Variants in EBF4 observed in about 807,000 individuals in gnomAD.
The protein encoded by EBF4 is transcription factor COE4.
In EBF4, 34 loss-of-function variants were observed where a neutral mutation model predicts 67.1. The observed-to-expected ratio is 0.51, with a 90% CI of 0.39 to 0.67. EBF4 has a LOEUF of 0.67. Among genes scored for constraint, EBF4 ranks in the 30% least tolerant of loss-of-function variants. EBF4 has a pLI of 0.00. For missense variants in EBF4, 837 were observed against 873.3 expected (o/e 0.96, Z 0.52); for synonymous variants, 387 against 377.7 (o/e 1.02, Z -0.29).
At chr20:2,729,663 CGGGTAGCATA>C (rs2087788876) in intron 6 of EBF4, among the ~76,000 whole-genome samples, 1 of 152,078 alleles carries the variant, frequency 6.6e-6, no homozygotes, top group Admixed American at 6.5e-5. Flanking sequence ...AGTCTATGAC[CGGGTAGCATA>C]GGTGGTCCAG....
intron 1 of EBF4, among the ~76,000 whole-genome samples, chr20:2,698,759 C>A (rs767900045): frequency 6.6e-6 from 1 of 152,136 alleles, no homozygotes; most frequent in Non-Finnish European, 1.5e-5. Flanking sequence ...TAGGGCTTGT[C>A]CCCCGTAGCC....
rs968407030 is a variant in EBF4, at chr20:2,751,908, C to A, written c.1108-14C>A. Reference sequence around the variant, plus strand: ...GCTGCCCCTCCGTCCCGCTGTCTCTCCCCCTGTCCCCAGGAAGTGCTGCTG... The same window carrying A: ...GCTGCCCCTCCGTCCCGCTGTCTCTACCCCTGTCCCCAGGAAGTGCTGCTG... On this transcript the variant is annotated splice_polypyrimidine_tract_variant and intron_variant, in intron 11 of 16. Transcript: ENST00000609451. The surrounding 1 kb of genome is among the most constrained non-coding windows in gnomAD (Gnocchi z 5.2). 6.5e-7 allele frequency: 1 copy of A among 1,549,390 alleles called. No individual in the cohort carries two copies. Among genetic ancestry groups the A allele is most frequent in the Admixed American group, 2.0e-5 (1 of 50,998 alleles).
At chr20:2,716,457 A>G (rs2087611801) in intron 6 of EBF4, among the ~76,000 whole-genome samples, 1 of 150,076 alleles carries the variant, frequency 6.7e-6, no homozygotes, top group African/African-American at 2.5e-5. Flanking sequence ...TGAACTCAGG[A>G]GGCGGAGGTT....
At chr20:2,694,980 TA>T (rs901301012) in intron 1 of EBF4, among the ~76,000 whole-genome samples, 4 of 152,168 alleles carry the variant, frequency 2.6e-5, no homozygotes, top group Non-Finnish European at 4.4e-5. Context: ...AATTGGAAAA[TA>T]AAAAATTTAG....
chr20:2,740,364 A>C (rs1056526466), intron 6 of EBF4, among the ~76,000 whole-genome samples: 1 of 152,242 alleles, frequency 6.6e-6, no homozygotes. Flanking sequence ...TCAGTTCCTC[A>C]GTTGCACTAG....
chr20:2,718,455 T>G (rs1378279276), intron 6 of EBF4, among the ~76,000 whole-genome samples: 1 of 152,226 alleles, frequency 6.6e-6, no homozygotes, highest in Non-Finnish European at 1.5e-5. Flanking sequence ...AACTGTAATC[T>G]CAATTTCTCT....
chr20:2,708,934 C>T (rs2087498431), intron 5 of EBF4, among the ~76,000 whole-genome samples: 1 of 152,138 alleles, frequency 6.6e-6, no homozygotes. Context: ...GCCTGTAATC[C>T]CAGCACTTTA....
At chr20:2,752,407 C>G in exon 14 of EBF4, 1 of 1,287,490 alleles carries the variant, frequency 7.8e-7, no homozygotes, top group Non-Finnish European at 9.8e-7. Flanking sequence ...CGCGCCCAGC[C>G]CCGGCTCGCA....
chr20:2,701,838 GTCCTGGAACCCA>G (rs1392947412), intron 1 of EBF4, among the ~76,000 whole-genome samples: 1 of 152,244 alleles, frequency 6.6e-6, no homozygotes, highest in African/African-American at 2.4e-5. Flanking sequence ...CCACTAGGTG[GTCCTGGAACCCA>G]TCCCCAGTGG....
chr20:2,714,367 T>G (rs1417911152), intron 6 of EBF4, among the ~76,000 whole-genome samples: 1 of 152,106 alleles, frequency 6.6e-6, no homozygotes, highest in Non-Finnish European at 1.5e-5. Context: ...TTCTTTCTTC[T>G]TTTTTGACAG....
Position 2,751,999 on chromosome 20 carries a change from C to T in EBF4, c.1173+12C>T, listed in dbSNP as rs2088155885. Reference sequence around the variant, plus strand: ...CCGGCAGTAACCAGGTATGGCGCCTCCGCCCTCCCAGCGCCGCCGGGACCG... The same window carrying T: ...CCGGCAGTAACCAGGTATGGCGCCTTCGCCCTCCCAGCGCCGCCGGGACCG... On this transcript the variant is annotated intron_variant, in intron 12 of 16. Coordinates refer to ENST00000609451, the Ensembl canonical transcript of EBF4. This position sits in a 1 kb window ranked among gnomAD's most constrained non-coding sequence, Gnocchi z 5.2. 11 of 1,540,114 alleles carry T rather than the reference C, an allele frequency of 7.1e-6. No individual in the cohort carries two copies. The highest frequency in any genetic ancestry group is 9.6e-6 in the Non-Finnish European group (11 of 1,143,126).
chr20:2,758,117 C>T (rs924441423), intron 15 of EBF4, among the ~76,000 whole-genome samples: 2 of 152,232 alleles, frequency 1.3e-5, no homozygotes, highest in African/African-American at 4.8e-5. Flanking sequence ...TGGCTGCAAA[C>T]TGCTTCTACA....
At chr20:2,698,841 A>G (rs1347785163) in intron 1 of EBF4, among the ~76,000 whole-genome samples, 1 of 152,128 alleles carries the variant, frequency 6.6e-6, no homozygotes, top group African/African-American at 2.4e-5. Context: ...TTATCAAGGC[A>G]GCCAGGAGTT....
intron 6 of EBF4, among the ~76,000 whole-genome samples, chr20:2,712,761 G>A (rs1027539763): frequency 9.2e-5 from 14 of 152,156 alleles, no homozygotes; most frequent in Admixed American, 1.3e-4. Flanking sequence ...AACCAGCAAA[G>A]GAGAATGAGA....
At chr20:2,703,753 TAAAAC>T (rs1485134544) in intron 1 of EBF4, among the ~76,000 whole-genome samples, 1 of 151,924 alleles carries the variant, frequency 6.6e-6, no homozygotes, top group East Asian at 1.9e-4. Flanking sequence ...CTTAGCAACT[TAAAAC>T]AACAAACATT....
At chr20:2,728,752 G>A (rs769332354) in intron 6 of EBF4, among the ~76,000 whole-genome samples, 28 of 152,000 alleles carry the variant, frequency 1.8e-4, no homozygotes, top group African/African-American at 6.5e-4. Context: ...ATACCTGTGG[G>A]TCCATAGGTA....
chr20:2,697,180 A>C (rs1490263520), intron 1 of EBF4, among the ~76,000 whole-genome samples: 1 of 152,172 alleles, frequency 6.6e-6, no homozygotes, highest in Non-Finnish European at 1.5e-5. Context: ...GGTGGGGAGG[A>C]AAAGGCCCAG....
At position 2,706,102 on chromosome 20, in the gene EBF4, A is replaced by G. The variant is rs1444105737; in HGVS notation, c.358+65A>G. On this transcript the variant is annotated intron_variant, in intron 3 of 16. Coordinates refer to ENST00000609451, the Ensembl canonical transcript of EBF4. ...AGTCTGGGCACTGCAGCATCATGCG[A>G]CACCTAATGCCCCCTGTGCCAGGGC... is the stretch of plus-strand genomic sequence containing the variant. 3.6e-5 allele frequency: 55 copies of G among 1,547,280 alleles called. No homozygotes were observed. In the East Asian group the frequency reaches 1.3e-3, roughly 36 times the overall value.
intron 6 of EBF4, among the ~76,000 whole-genome samples, chr20:2,717,582 G>C (rs1017419497): frequency 2.6e-5 from 4 of 151,864 alleles, no homozygotes; most frequent in Non-Finnish European, 4.4e-5. Flanking sequence ...CTTTTGTTAT[G>C]TTTTCTAATT....
Sources: allele counts gnomAD v4.1 joint callset (sites outside exome capture counted in the v4.1 genomes callset), GRCh38; gene constraint gnomAD v4.1.1; non-coding constraint Gnocchi (gnomAD v3.1); transcripts MANE v1.5; gene names NCBI Gene and HGNC (gene_info 2026-07-23, HGNC 2026-07-21).